CADM2: variants seen among roughly 807,000 people sequenced by gnomAD.
The protein encoded by CADM2 is cell adhesion molecule 2, also known as immunoglobulin superfamily member 4D.
CADM2 carries 12 observed loss-of-function variants against 49.8 expected under a neutral mutation model. The ratio of observed to expected loss-of-function variants is 0.24; its 90% confidence interval spans 0.15 to 0.39. CADM2 has a LOEUF of 0.39. Among genes scored for constraint, CADM2 ranks in the 10% least tolerant of loss-of-function variants. The probability of loss-of-function intolerance (pLI) is 1.00; values close to 1 mark genes in which losing one functional copy is unlikely to be tolerated. For missense variants in CADM2, 378 were observed against 492.3 expected (o/e 0.77, Z 2.20); for synonymous variants, 214 against 175.4 (o/e 1.22, Z -1.74).
rs573880610 is a variant in CADM2 at position 85,727,987 on chromosome 3, T to C, written c.88+1439T>C. Among the ~76,000 whole-genome samples, 24 of 152,268 alleles carry C rather than the reference T, an allele frequency of 1.6e-4. No individual in the cohort carries two copies. In the South Asian group the frequency reaches 1.9e-3, roughly 12 times the overall value. ...TGTAGAAAAATAAATTCTAAGATGA[T>C]GCAATAGACAATGGAGTGATTATGA... is the stretch of plus-strand genomic sequence containing the variant. On this transcript the variant is annotated intron_variant, in intron 2 of 9. Coordinates refer to ENST00000383699, the MANE Select transcript of CADM2 (RefSeq NM_001167675.2).
intron 1 of CADM2, among the ~76,000 whole-genome samples, chr3:85,017,530 A>T (rs1037640445): frequency 2.0e-5 from 3 of 152,158 alleles, no homozygotes; most frequent in Non-Finnish European, 4.4e-5. Context: ...CCATAGGAAA[A>T]ATTCTTATCC....
intron 1 of CADM2, among the ~76,000 whole-genome samples, chr3:85,460,423 T>C (rs1470142706): frequency 6.6e-6 from 1 of 152,176 alleles, no homozygotes; most frequent in Non-Finnish European, 1.5e-5. Flanking sequence ...TGATCTATAA[T>C]TAAAAGACCT....
intron 1 of CADM2, among the ~76,000 whole-genome samples, chr3:85,296,870 A>G (rs531242230): frequency 6.6e-6 from 1 of 152,178 alleles, no homozygotes; most frequent in South Asian, 2.1e-4. Context: ...TCAAGACCCA[A>G]TGCATGAAAA....
At chr3:85,870,775 A>G (rs1454895022) in intron 3 of CADM2, among the ~76,000 whole-genome samples, 2 of 152,132 alleles carry the variant, frequency 1.3e-5, no homozygotes, top group Non-Finnish European at 2.9e-5. Flanking sequence ...CCATAATGGG[A>G]TTGCTGGGTT....
chr3:85,646,600 T>G (rs2064893677), intron 1 of CADM2, among the ~76,000 whole-genome samples: 1 of 151,930 alleles, frequency 6.6e-6, no homozygotes, highest in Admixed American at 6.6e-5. Context: ...AACAGAACAC[T>G]GTAAATAAAC....
intron 8 of CADM2, among the ~76,000 whole-genome samples, chr3:86,034,543 A>G (rs1171258916): frequency 1.3e-5 from 2 of 152,026 alleles, no homozygotes; most frequent in Non-Finnish European, 2.9e-5. Context: ...AATGTATGCT[A>G]TTTATAAGCC....
At chr3:85,023,604 G>T (rs2034599689) in intron 1 of CADM2, among the ~76,000 whole-genome samples, 2 of 151,922 alleles carry the variant, frequency 1.3e-5, no homozygotes, top group South Asian at 4.1e-4. Flanking sequence ...TTTTATTCAA[G>T]CCAAGAATAT....
At chr3:85,277,330 A>G (rs981531837) in intron 1 of CADM2, among the ~76,000 whole-genome samples, 2 of 151,334 alleles carry the variant, frequency 1.3e-5, no homozygotes, top group African/African-American at 4.8e-5. Context: ...AAGCAGGGCT[A>G]TCAATCTTCC....
chr3:86,008,161 T>C (rs1388666655), intron 8 of CADM2, among the ~76,000 whole-genome samples: 1 of 152,148 alleles, frequency 6.6e-6, no homozygotes. Context: ...TTCTAAAGGA[T>C]AGTATTGCAA....
intron 1 of CADM2, among the ~76,000 whole-genome samples, chr3:85,527,988 T>C (rs2061207768): frequency 6.6e-6 from 1 of 152,216 alleles, no homozygotes; most frequent in Non-Finnish European, 1.5e-5. Flanking sequence ...TCATTGCTTA[T>C]ATATGATGTT....
chr3:85,592,191 ATAT>A (rs1321149964), intron 1 of CADM2, among the ~76,000 whole-genome samples: 1 of 151,936 alleles, frequency 6.6e-6, no homozygotes, highest in Non-Finnish European at 1.5e-5. Flanking sequence ...TTGATAAAAC[ATAT>A]TATTATCTAA....
At chr3:86,005,303 A>G (rs1442800053) in intron 8 of CADM2, among the ~76,000 whole-genome samples, 2 of 152,122 alleles carry the variant, frequency 1.3e-5, no homozygotes, top group South Asian at 4.1e-4. Flanking sequence ...TGTAATCCCA[A>G]CATCTTGGGA....
intron 1 of CADM2, among the ~76,000 whole-genome samples, chr3:85,279,626 C>G (rs974520381): frequency 6.6e-6 from 1 of 151,280 alleles, no homozygotes; most frequent in African/African-American, 2.4e-5. Context: ...GTGATAGTCT[C>G]TAAATTTATT....
At chr3:85,260,200 G>T (rs2042984812) in intron 1 of CADM2, among the ~76,000 whole-genome samples, 1 of 151,842 alleles carries the variant, frequency 6.6e-6, no homozygotes, top group South Asian at 2.1e-4. Flanking sequence ...GATTATACTA[G>T]ATCAGTAATT....
intron 1 of CADM2, among the ~76,000 whole-genome samples, chr3:85,456,938 C>T (rs951031110): frequency 3.3e-5 from 5 of 150,376 alleles, no homozygotes; most frequent in Non-Finnish European, 5.9e-5. Flanking sequence ...AGTTTAAAAA[C>T]AGTTGATAAA....
At chr3:85,992,951 C>G (rs1280116706) in intron 8 of CADM2, 1 of 152,196 alleles carries the variant, frequency 6.6e-6, no homozygotes, top group Non-Finnish European at 1.5e-5. Context: ...CACAGTAGAA[C>G]TGCTTTAAAA....
At position 85,553,280 on chromosome 3, in the gene CADM2, C is replaced by T. The variant is rs921876029; in HGVS notation, c.62-173242C>T. Among the ~76,000 whole-genome samples the T allele has an allele frequency of 5.4e-5, 5 of 93,452 alleles. No homozygotes were observed. In the Admixed American group the frequency reaches 6.8e-4, roughly 13 times the overall value. The allele number at this position is 93,452 out of a possible 152,430, so 61.3% of individuals were successfully genotyped here. A position where few individuals can be genotyped will look rare whatever the true frequency, so the allele number is the denominator to read the frequency against. On this transcript the variant is annotated intron_variant, in intron 1 of 9. Transcript: ENST00000383699. Reference sequence around the variant, plus strand: ...AAGCATCTACCATATATCAGGTACTCTAGATCTAGTTTATTGTGTTTTATT... The same window carrying T: ...AAGCATCTACCATATATCAGGTACTTTAGATCTAGTTTATTGTGTTTTATT...
intron 3 of CADM2, among the ~76,000 whole-genome samples, chr3:85,877,684 GTTTTT>G: frequency 8.9e-6 from 1 of 111,990 alleles, no homozygotes; most frequent in African/African-American, 3.3e-5. Flanking sequence ...TTTTTCTTCT[GTTTTT>G]TTTTTTTTTT....
intron 1 of CADM2, among the ~76,000 whole-genome samples, chr3:85,042,494 T>TTG (rs747476317): frequency 1.1e-4 from 16 of 152,122 alleles, no homozygotes; most frequent in Non-Finnish European, 2.1e-4. Context: ...TTTTCTTTTA[T>TTG]TGTGTGTGTG....
Sources: gnomAD v4.1 joint callset for allele counts (sites outside exome capture counted in the v4.1 genomes callset) on GRCh38, gnomAD v4.1.1 for gene constraint, MANE v1.5 for transcripts, NCBI Gene and HGNC (gene_info 2026-07-23, HGNC 2026-07-21) for gene names.